CDIN1: variants seen among roughly 807,000 people sequenced by gnomAD.
The protein encoded by CDIN1 is CDAN1 interacting nuclease 1.
A neutral mutation model predicts 45.3 loss-of-function variants in CDIN1; 33 were observed. The ratio of observed to expected loss-of-function variants is 0.73; its 90% confidence interval spans 0.55 to 0.97. The LOEUF (loss-of-function observed/expected upper bound fraction) is 0.97. Among genes scored for constraint, CDIN1 ranks in the 50% least tolerant of loss-of-function variants. The probability of loss-of-function intolerance (pLI) is 0.00; values close to 1 mark genes in which losing one functional copy is unlikely to be tolerated. For missense variants in CDIN1, 303 were observed against 339.4 expected (o/e 0.89, Z 0.84); for synonymous variants, 118 against 124.4 (o/e 0.95, Z 0.34).
chr15:36,654,193 G>A lies in CDIN1; in HGVS notation c.273+35G>A, dbSNP rs147095298. On this transcript the variant is annotated intron_variant, in intron 4 of 10. Coordinates refer to ENST00000566621, the MANE Select transcript of CDIN1 (RefSeq NM_001321759.2). Reference sequence around the variant, plus strand: ...TTGTTATGATTTTATTTAAACCTGCGTGTAACCTAAGGGGCCTATCTAGAG... The same window carrying A: ...TTGTTATGATTTTATTTAAACCTGCATGTAACCTAAGGGGCCTATCTAGAG... 550 of 1,518,802 alleles carry A rather than the reference G, an allele frequency of 3.6e-4. 11 individuals are homozygous for A. The South Asian group carries it at 6.1e-3, about 17-fold the overall frequency. 94.1% of individuals were successfully genotyped at this position (1,518,802 alleles called of 1,614,324 possible).
chr15:36,763,226 C>G (rs1012278810), intron 10 of CDIN1, among the ~76,000 whole-genome samples: 3 of 152,162 alleles, frequency 2.0e-5, no homozygotes, highest in Admixed American at 2.0e-4. Flanking sequence ...TTTTTATTTG[C>G]ATTTCTCTGA....
At chr15:36,727,218 G>T (rs2043663491) in intron 10 of CDIN1, among the ~76,000 whole-genome samples, 1 of 151,918 alleles carries the variant, frequency 6.6e-6, no homozygotes, top group East Asian at 1.9e-4. Flanking sequence ...CAAATTAAGG[G>T]TAAAATTCAG....
chr15:36,769,870 A>G (rs939562897), intron 10 of CDIN1, among the ~76,000 whole-genome samples: 1 of 152,166 alleles, frequency 6.6e-6, no homozygotes, highest in Non-Finnish European at 1.5e-5. Context: ...TGTGCGATAA[A>G]TGATGTTACA....
In CDIN1 at chr15:36,644,258, C is replaced by T. The variant is rs1250922637; in HGVS notation, c.102-20C>T. The T allele has an allele frequency of 1.9e-6, 3 of 1,612,614 alleles. No homozygotes were observed. The African/African-American group carries it at 4.0e-5, about 22-fold the overall frequency. On this transcript the variant is annotated intron_variant, in intron 1 of 10. Transcript: ENST00000566621. ...CGTGCACTCCAGTAATTAACTTTGTCCTTCTTTTATTTGTTCCAGTCAATC... is the reference window on the plus strand; with the variant it reads ...CGTGCACTCCAGTAATTAACTTTGTTCTTCTTTTATTTGTTCCAGTCAATC...
intron 10 of CDIN1, among the ~76,000 whole-genome samples, chr15:36,774,161 TGTGC>T (rs1185416426): frequency 1.2e-4 from 6 of 50,622 alleles, no homozygotes; most frequent in Admixed American, 2.4e-4. Flanking sequence ...TGTGTGTGTG[TGTGC>T]GCGCGCGCGC....
At chr15:36,766,515 T>A (rs1053120283) in intron 10 of CDIN1, among the ~76,000 whole-genome samples, 2 of 152,236 alleles carry the variant, frequency 1.3e-5, no homozygotes, top group African/African-American at 4.8e-5. Flanking sequence ...CATTTTACAT[T>A]TCCCTCCAAC....
At chr15:36,749,945 T>C (rs1342573586) in intron 10 of CDIN1, among the ~76,000 whole-genome samples, 1 of 152,212 alleles carries the variant, frequency 6.6e-6, no homozygotes, top group African/African-American at 2.4e-5. Context: ...TCCTGCCTTT[T>C]AGCAGAGCCA....
intron 10 of CDIN1, among the ~76,000 whole-genome samples, chr15:36,804,104 T>A (rs1361671235): frequency 6.6e-6 from 1 of 152,176 alleles, no homozygotes; most frequent in African/African-American, 2.4e-5. Flanking sequence ...TTTTTACTTG[T>A]AGAACAGGGA....
intron 10 of CDIN1, among the ~76,000 whole-genome samples, chr15:36,788,847 A>G (rs1247299150): frequency 6.6e-6 from 1 of 152,226 alleles, no homozygotes; most frequent in Admixed American, 6.5e-5. Context: ...GTAAACTCTG[A>G]ACAAGAAATC....
chr15:36,699,618 T>C (rs1044244165), intron 8 of CDIN1, among the ~76,000 whole-genome samples: 8 of 152,202 alleles, frequency 5.3e-5, no homozygotes, highest in Non-Finnish European at 8.8e-5. Context: ...TTAAGAATTA[T>C]GACTTTCCCT....
At chr15:36,607,332 A>G (rs376565668) in intron 1 of CDIN1, among the ~76,000 whole-genome samples, 1 of 152,226 alleles carries the variant, frequency 6.6e-6, no homozygotes, top group East Asian at 1.9e-4. Flanking sequence ...AAAATAAAAC[A>G]TGAAGAACAT....
intron 10 of CDIN1, among the ~76,000 whole-genome samples, chr15:36,741,771 T>C (rs2044248119): frequency 1.3e-5 from 2 of 152,128 alleles, no homozygotes; most frequent in Admixed American, 6.5e-5. Flanking sequence ...GTAAGGACAT[T>C]AGTCATTCAA....
At chr15:36,640,907 A>C (rs1031004613) in intron 1 of CDIN1, among the ~76,000 whole-genome samples, 1 of 152,226 alleles carries the variant, frequency 6.6e-6, no homozygotes, top group Non-Finnish European at 1.5e-5. Flanking sequence ...CGTTGAATGC[A>C]ATATAACATG....
chr15:36,708,708 A>G (rs1441250784), intron 8 of CDIN1: 1 of 152,156 alleles, frequency 6.6e-6, no homozygotes, highest in Non-Finnish European at 1.5e-5. Flanking sequence ...CAGGATAACT[A>G]ATTCTTTATG....
At chr15:36,723,398 G>A (rs1318538056) in intron 10 of CDIN1, among the ~76,000 whole-genome samples, 2 of 151,952 alleles carry the variant, frequency 1.3e-5, no homozygotes, top group Admixed American at 1.3e-4. Flanking sequence ...TATTTTAAGA[G>A]TACTCCATAT....
chr15:36,599,369 C>G (rs1443437492), intron 1 of CDIN1, among the ~76,000 whole-genome samples: 1 of 152,148 alleles, frequency 6.6e-6, no homozygotes, highest in Non-Finnish European at 1.5e-5. Flanking sequence ...CTGTGTAAAC[C>G]TTAACCTTGT....
At chr15:36,597,787 T>G (rs2037907592) in intron 1 of CDIN1, among the ~76,000 whole-genome samples, 1 of 152,200 alleles carries the variant, frequency 6.6e-6, no homozygotes, top group African/African-American at 2.4e-5. Flanking sequence ...AGTATCTCAT[T>G]GACTGTCAGT....
intron 5 of CDIN1, among the ~76,000 whole-genome samples, chr15:36,689,324 T>C (rs367945617): frequency 1.2e-4 from 19 of 152,226 alleles, no homozygotes; most frequent in African/African-American, 4.1e-4. Flanking sequence ...CTTTGTTTTA[T>C]TATTTTAGCC....
chr15:36,613,943 A>T, intron 1 of CDIN1: 1 of 1,552,786 alleles, frequency 6.4e-7, no homozygotes, highest in Non-Finnish European at 8.8e-7. Flanking sequence ...CGAGAGATGG[A>T]TGAGCAGATC....
Sources: allele counts gnomAD v4.1 joint callset (sites outside exome capture counted in the v4.1 genomes callset), GRCh38; gene constraint gnomAD v4.1.1; transcripts MANE v1.5; gene names NCBI Gene and HGNC (gene_info 2026-07-23, HGNC 2026-07-21).